MUC5B: variants seen among roughly 807,000 people sequenced by gnomAD.
MUC5B encodes the protein mucin-5B.
A neutral mutation model predicts 376.9 loss-of-function variants in MUC5B; 116 were observed. That is an observed-to-expected ratio of 0.31 (90% CI 0.26 to 0.36). The LOEUF (loss-of-function observed/expected upper bound fraction) is 0.36, where lower values mean the gene tolerates loss of function less well. Ranked by LOEUF, MUC5B falls within the 10% of genes least tolerant of loss-of-function variation. MUC5B has a pLI of 1.00. For missense variants in MUC5B, 7,165 were observed against 7,769.9 expected, an observed-to-expected ratio of 0.92 and a Z score of 2.93; for synonymous variants, 3,517 against 3,390.9, an observed-to-expected ratio of 1.04 and a Z score of -1.29.
In MUC5B at chr11:1,261,707, C is replaced by A; in HGVS notation, c.*99C>A. 8.1e-7 allele frequency: 1 copy of A among 1,235,692 alleles called. No individual in the cohort carries two copies. Among genetic ancestry groups the A allele is most frequent in the East Asian group, 2.5e-5 (1 of 39,490 alleles). The allele number at this position is 1,235,692 out of a possible 1,614,324, so 76.5% of individuals were successfully genotyped here. On this transcript the variant is annotated 3_prime_UTR_variant, in exon 49 of 49. Coordinates refer to ENST00000529681, the MANE Select transcript of MUC5B (RefSeq NM_002458.3). ...GGGCCTCCTCTGCGGAGCCCCCCGG[C>A]CTGTGTGTGGCACCCCGCGCTCCGT... is the stretch of plus-strand genomic sequence containing the variant.
intron 1 of MUC5B, among the ~76,000 whole-genome samples, chr11:1,225,472 G>A (rs928574338): frequency 2.0e-5 from 3 of 152,260 alleles, no homozygotes; most frequent in Non-Finnish European, 2.9e-5. Context: ...AGGCATCTGC[G>A]GCTGACGGTT....
rs775269018 is a variant in MUC5B, at chr11:1,242,972, G to C, written c.6092G>C (p.Gly2031Ala). 1 of 1,610,526 alleles carries C rather than the reference G, an allele frequency of 6.2e-7. No homozygotes were observed. Among genetic ancestry groups the C allele is most frequent in the Non-Finnish European group, 8.5e-7 (1 of 1,178,654 alleles). Residue 2031 changes from glycine (G) to alanine (A), a missense_variant, in exon 31 of 49, where the codon GGG (glycine) becomes GCG (alanine). Physicochemically the swap from Gly to Ala is moderately conservative, Grantham distance 60. This residue lies in a region of MUC5B where 897 missense variants were observed against 779.6 expected (regional missense o/e 1.15). Transcript: ENST00000529681. The part of the protein sequence containing the change: ...TVLTATATTT[G>A]ATGSVATPSS... Reference sequence around the variant, plus strand: ...CTTACCGCCACGGCCACCACAACTGGGGCCACCGGCTCTGTGGCCACCCCC... The same window carrying C: ...CTTACCGCCACGGCCACCACAACTGCGGCCACCGGCTCTGTGGCCACCCCC...
chr11:1,235,675 T>C (rs1414039894), intron 23 of MUC5B, among the ~76,000 whole-genome samples: 2 of 152,166 alleles, frequency 1.3e-5, no homozygotes, highest in African/African-American at 2.4e-5. Flanking sequence ...CTCTCCCAGC[T>C]TCACAGGCGG....
chr11:1,251,483 C>A lies in MUC5B; in HGVS notation c.14603C>A (p.Ser4868Tyr). ...CCCACCGGTTCCACGGCCACCGCCT[C>A]CTCCACTCTGGGAACAGCTCACACC... is the stretch of plus-strand genomic sequence containing the variant. ...MVPTGSTATA[S>Y]STLGTAHTPK... Residue 4868 changes from serine to tyrosine, a missense_variant, in exon 31 of 49, where the codon TCC becomes TAC. By Grantham distance (144) the Ser-to-Tyr change is moderately radical (BLOSUM62 -2). Coordinates refer to ENST00000529681, the MANE Select transcript of MUC5B (RefSeq NM_002458.3). The A allele has an allele frequency of 6.2e-7, 1 of 1,613,454 alleles. No individual in the cohort carries two copies. Among genetic ancestry groups the A allele is most frequent in the Non-Finnish European group, 8.5e-7 (1 of 1,179,864 alleles).
At position 1,241,022 on chromosome 11, in the gene MUC5B, G is replaced by A. The variant is rs1032807885; in HGVS notation, c.4142G>A (p.Arg1381Gln). ...CCTGTGCTGGCTGACATCGAGTGCCGGGCGGCGCAGCTTCCCGACATGCCG... is the reference window on the plus strand; with the variant it reads ...CCTGTGCTGGCTGACATCGAGTGCCAGGCGGCGCAGCTTCCCGACATGCCG... ...VCPVLADIEC[R>Q]AAQLPDMPLE... The change falls in exon 31 of 49, where the codon CGG becomes CAG. Residue 1381 changes from arginine (R) to glutamine (Q), a missense_variant. Around this residue, in one of 31 missense-constraint regions of MUC5B, gnomAD observed 517 missense variants for 545.3 expected, o/e 0.95. Transcript: ENST00000529681. The A allele has an allele frequency of 1.5e-5, 24 of 1,612,570 alleles. No individual in the cohort carries two copies. Among genetic ancestry groups the A allele is most frequent in the East Asian group, 2.2e-5 (1 of 44,894 alleles).
At chr11:1,232,818 G>A in intron 17 of MUC5B, 48 bp downstream of exon 17, 2 of 1,533,360 alleles carry the variant, frequency 1.3e-6, no homozygotes, top group South Asian at 1.2e-5. Context: ...GCGTGGGGGT[G>A]CGGGGGACCC....
rs537595114 is a variant in MUC5B at position 1,247,911 on chromosome 11, C to G, written c.11031C>G (p.Thr3677=). 3.7e-6 allele frequency: 6 copies of G among 1,611,872 alleles called. No homozygotes were observed. The African/African-American group carries it at 6.7e-5, about 18-fold the overall frequency. The change falls in exon 31 of 49, where the codon ACC becomes ACG. Residue 3677 remains threonine (T), a synonymous_variant. Transcript: ENST00000529681. ...NYGHCPSTPA[T]SSTATPSSTP... ...GCCACTGCCCCAGCACCCCGGCCAC[C>G]AGCTCTACGGCCACGCCCTCCTCAA...
rs1196214997 is a variant in MUC5B, at chr11:1,237,142, C to T, written c.3275C>T (p.Thr1092Ile). The T allele has an allele frequency of 1.4e-6, 2 of 1,431,956 alleles. No individual in the cohort carries two copies. Among genetic ancestry groups the T allele is most frequent in the Non-Finnish European group, 1.8e-6 (2 of 1,087,064 alleles). 88.7% of individuals were successfully genotyped at this position (1,431,956 alleles called of 1,614,324 possible). A position where few individuals can be genotyped will look rare whatever the true frequency, so the allele number is the denominator to read the frequency against. The change falls in exon 25 of 49, where the codon ACC becomes ATC. Residue 1092 changes from threonine to isoleucine, a missense_variant. This residue lies in a region of MUC5B where 143 missense variants were observed against 193.2 expected (regional missense o/e 0.74). Coordinates refer to ENST00000529681, the MANE Select transcript of MUC5B (RefSeq NM_002458.3). ...QKQCSILHGP[T>I]FAACRSQVDS... Reference sequence around the variant, plus strand: ...CAGTGCAGCATCCTCCACGGCCCCACCTTCGCCGCCTGCCGCTCCCAGGTG... The same window carrying T: ...CAGTGCAGCATCCTCCACGGCCCCATCTTCGCCGCCTGCCGCTCCCAGGTG...
chr11:1,254,557 A>G, intron 34 of MUC5B, 137 bp from the exon 35 acceptor site: 1 of 1,215,286 alleles, frequency 8.2e-7, no homozygotes, highest in Non-Finnish European at 1.1e-6. Context: ...CCAGGCCCCC[A>G]GGGAAGATCT....
In MUC5B at chr11:1,244,765, A is replaced by G; in HGVS notation, c.7885A>G (p.Thr2629Ala). ...CTCCTCCAGCCCAGGGACGGCACGC[A>G]CGCTTCCAGTGTGGATCAGCACAAC... ...TPSSSPGTAR[T>A]LPVWISTTTT... The change falls in exon 31 of 49, where the codon ACG becomes GCG. Residue 2629 changes from threonine to alanine, a missense_variant. Transcript: ENST00000529681. The G allele has an allele frequency of 1.2e-6, 2 of 1,612,084 alleles. No homozygotes were observed. The highest frequency in any genetic ancestry group is 8.5e-7 in the Non-Finnish European group (1 of 1,178,942).
At chr11:1,239,234 C>T (rs1299428429) in intron 26 of MUC5B, 1 of 894,044 alleles carries the variant, frequency 1.1e-6, no homozygotes, top group East Asian at 2.7e-5. Flanking sequence ...CATGAGACAG[C>T]TCCTAGGGGA....
rs1861919304 is a variant in MUC5B, at chr11:1,227,687, C to T, written c.680C>T (p.Thr227Ile). The change falls in exon 7 of 49, where the codon ACC (threonine) becomes ATC (isoleucine). Residue 227 changes from threonine to isoleucine, a missense_variant. By Grantham distance (89) the Thr-to-Ile change is moderately conservative. Coordinates refer to ENST00000529681, the MANE Select transcript of MUC5B (RefSeq NM_002458.3). Reference protein sequence around the residue: ...NEFYAHNARLTPLQFGNLQKL... With the variant: ...NEFYAHNARLIPLQFGNLQKL... Reference sequence around the variant, plus strand: ...TTCTTCCCGGCAGACGCCAGGCTGACCCCGCTCCAGTTTGGGAACCTGCAG... The same window carrying T: ...TTCTTCCCGGCAGACGCCAGGCTGATCCCGCTCCAGTTTGGGAACCTGCAG... The T allele has an allele frequency of 1.4e-6, 1 of 721,244 alleles. No homozygotes were observed. Among genetic ancestry groups the T allele is most frequent in the Admixed American group, 2.0e-5 (1 of 50,506 alleles). The allele number at this position is 721,244 out of a possible 1,614,324, so 44.7% of individuals were successfully genotyped here. A position where few individuals can be genotyped will look rare whatever the true frequency, so the allele number is the denominator to read the frequency against.
At position 1,235,459 on chromosome 11, in the gene MUC5B, G is replaced by A. The variant is rs780443828; in HGVS notation, c.2880+46G>A. 15 of 1,526,522 alleles carry A rather than the reference G, an allele frequency of 9.8e-6. 1 individual carries two copies. Among genetic ancestry groups the A allele is most frequent in the African/African-American group, 9.6e-5 (7 of 72,878 alleles). 94.6% of individuals were successfully genotyped at this position (1,526,522 alleles called of 1,614,324 possible). On this transcript the variant is annotated intron_variant, in intron 23 of 48. Coordinates refer to ENST00000529681, the MANE Select transcript of MUC5B (RefSeq NM_002458.3). The stretch of plus-strand genomic sequence containing the variant: ...GAGCACCCCCGACCCTGCAGCCAAC[G>A]AGCCGGCCCCCAGGGAAGCTTCGTG...
At position 1,247,378 on chromosome 11, in the gene MUC5B, A is replaced by T. The variant is rs2943527; in HGVS notation, c.10498A>T (p.Ser3500Cys). The part of the protein sequence containing the change: ...VTSHTPAATT[S>C]TTQHSTPALS... ...TTCCCACACCCCAGCAGCAACCACC[A>T]GTACCACCCAGCACTCGACTCCAGC... Residue 3500 changes from serine to cysteine, a missense_variant, in exon 31 of 49, where the codon AGT becomes TGT. Ser to Cys is a moderately radical substitution (Grantham distance 112, BLOSUM62 -1). Coordinates refer to ENST00000529681, the MANE Select transcript of MUC5B (RefSeq NM_002458.3). 6 of 1,601,216 alleles carry T rather than the reference A, an allele frequency of 3.7e-6. No individual in the cohort carries two copies. In the South Asian group the frequency reaches 6.6e-5, roughly 18 times the overall value.
intron 26 of MUC5B, 24 bp from the exon 27 acceptor site, chr11:1,239,414 T>C: frequency 1.3e-6 from 2 of 1,598,700 alleles, no homozygotes; most frequent in Non-Finnish European, 8.5e-7. Context: ...GGCGCCTCCT[T>C]AGCCTCTGCC....
At chr11:1,259,586 G>C in intron 44 of MUC5B, 170 bp from the exon 45 acceptor site, 1 of 643,784 alleles carries the variant, frequency 1.6e-6, no homozygotes, top group Non-Finnish European at 2.7e-6. Flanking sequence ...GGAAACTGGG[G>C]TGAGGCTGAG....
chr11:1,243,724 A>C lies in MUC5B; in HGVS notation c.6844A>C (p.Thr2282Pro), dbSNP rs764470976. 3.1e-6 allele frequency: 5 copies of C among 1,601,404 alleles called. No homozygotes were observed. Among genetic ancestry groups the C allele is most frequent in the Non-Finnish European group, 4.3e-6 (5 of 1,172,282 alleles). The change falls in exon 31 of 49, where the codon ACC becomes CCC. Residue 2282 changes from threonine to proline, a missense_variant. By Grantham distance (38) the Thr-to-Pro change is conservative. This residue lies in a region of MUC5B where 79 missense variants were observed against 63.0 expected (regional missense o/e 1.25). Coordinates refer to ENST00000529681, the MANE Select transcript of MUC5B (RefSeq NM_002458.3). ...GGGCCACACCACGGCCACCTCCAGG[A>C]CCACAGCCACGGCCACACCCAGCAA... ...TPGHTTATSR[T>P]TATATPSKTR...
In MUC5B at chr11:1,229,299, G is replaced by T. The variant is rs377474155; in HGVS notation, c.1102+4G>T. 6.4e-7 allele frequency: 1 copy of T among 1,566,580 alleles called. No individual in the cohort carries two copies. Among genetic ancestry groups the T allele is most frequent in the Admixed American group, 1.8e-5 (1 of 55,242 alleles). ...GACGGCTGCTTCTGCCCCCCAGGCA[G>T]GTCTTGTGTGCCCTGAACCCCTCAG... On this transcript the variant is annotated splice_donor_region_variant and intron_variant, in intron 9 of 48. Transcript: ENST00000529681.
At chr11:1,226,555 G>T in intron 3 of MUC5B, 60 bp from the exon 4 acceptor site, 1 of 1,552,952 alleles carries the variant, frequency 6.4e-7, no homozygotes, top group East Asian at 2.4e-5. Flanking sequence ...CCTCGGCCCA[G>T]GGGAGGCTAC....
Sources: gnomAD v4.1 joint callset for allele counts (sites outside exome capture counted in the v4.1 genomes callset) on GRCh38, gnomAD v4.1.1 for gene constraint, gnomAD v4.1.1 regional missense constraint, MANE v1.5 for transcripts, NCBI Gene and HGNC (gene_info 2026-07-23, HGNC 2026-07-21) for gene names.